The following WASF3 variants were observed in gnomAD, a reference collection of about 807,000 sequenced individuals.
The protein encoded by WASF3 is actin-binding protein WASF3.
In WASF3, 11 loss-of-function variants were observed where a neutral mutation model predicts 46.6. The observed-to-expected ratio is 0.24, with a 90% CI of 0.15 to 0.39. The LOEUF is 0.39. Among genes scored for constraint, WASF3 ranks in the 10% least tolerant of loss-of-function variants. WASF3 has a pLI of 1.00. For synonymous variants in WASF3, 242 were observed against 259.7 expected (o/e 0.93, Z 0.65); for missense variants, 576 against 669.8 (o/e 0.86, Z 1.55).
At chr13:26,680,121 G>A in intron 7 of WASF3, 1 of 1,598,278 alleles carries the variant, frequency 6.3e-7, no homozygotes, top group Non-Finnish European at 8.5e-7. Flanking sequence ...GGGAGAGAAG[G>A]AAAATGGGCA....
chr13:26,641,454 A>G (rs1401710897), intron 2 of WASF3: 3 of 152,288 alleles, frequency 2.0e-5, no homozygotes, highest in Admixed American at 6.5e-5. Flanking sequence ...CAGAAAGCCA[A>G]TCACTGAGAC....
intron 1 of WASF3, among the ~76,000 whole-genome samples, chr13:26,609,945 C>T (rs1880919512): frequency 6.6e-6 from 1 of 152,206 alleles, no homozygotes; most frequent in African/African-American, 2.4e-5. Context: ...CCACATGTTA[C>T]TATTTAAATG....
intron 1 of WASF3, among the ~76,000 whole-genome samples, chr13:26,568,922 T>C (rs1052824742): frequency 3.9e-5 from 6 of 152,248 alleles, no homozygotes; most frequent in Non-Finnish European, 7.3e-5. Flanking sequence ...ACCGGTCTGC[T>C]GTCTGGAGTT....
In WASF3 at chr13:26,567,707, A is replaced by AT. The variant is rs1203560335; in HGVS notation, c.-109+9888_-109+9889insT. Reference sequence around the variant, plus strand: ...AGCTAATAAACGACATTAAAAAAAAAATATATATATATATAATCTCCCTTC... The same window carrying AT: ...AGCTAATAAACGACATTAAAAAAAAATATATATATATATATAATCTCCCTTC... On this transcript the variant is annotated intron_variant, in intron 1 of 9. Transcript: ENST00000335327. Among the ~76,000 whole-genome samples the AT allele has an allele frequency of 8.9e-3, 1,349 of 150,894 alleles. 5 individuals are homozygous for AT. The highest frequency in any genetic ancestry group is 0.013 in the Non-Finnish European group (851 of 67,794).
chr13:26,558,727 T>A (rs1879186709), intron 1 of WASF3, among the ~76,000 whole-genome samples: 1 of 152,194 alleles, frequency 6.6e-6, no homozygotes, highest in African/African-American at 2.4e-5. Flanking sequence ...GGTTAATTTT[T>A]AAATTAGCGG....
chr13:26,577,606 C>A, intron 1 of WASF3: 2 of 1,132,958 alleles, frequency 1.8e-6, no homozygotes, highest in Middle Eastern at 2.7e-4. Context: ...CTGGAAAAGC[C>A]ACTGGGAGCA....
intron 1 of WASF3, among the ~76,000 whole-genome samples, chr13:26,561,002 G>A (rs1257375528): frequency 6.6e-6 from 1 of 152,164 alleles, no homozygotes; most frequent in Admixed American, 6.5e-5. Flanking sequence ...AGGAGAGGGT[G>A]TACAGAGAGA....
chr13:26,559,199 C>A (rs954942351), intron 1 of WASF3, among the ~76,000 whole-genome samples: 28 of 152,186 alleles, frequency 1.8e-4, no homozygotes, highest in African/African-American at 6.8e-4. Flanking sequence ...GTGTAGTACT[C>A]ATTTTTCTTC....
intron 2 of WASF3, among the ~76,000 whole-genome samples, chr13:26,625,306 AT>A (rs1263713415): frequency 6.6e-6 from 1 of 152,186 alleles, no homozygotes; most frequent in Non-Finnish European, 1.5e-5. Flanking sequence ...GGCTCACACA[AT>A]TATGGAGGCT....
the WASF3 span, among the ~76,000 whole-genome samples, chr13:26,543,903 G>A: frequency 6.6e-6 from 1 of 152,096 alleles, no homozygotes; most frequent in Admixed American, 6.6e-5. Flanking sequence ...AAACCTACAA[G>A]AACCGATTTC....
intron 3 of WASF3, among the ~76,000 whole-genome samples, chr13:26,652,750 A>G (rs1223771947): frequency 6.6e-6 from 1 of 152,238 alleles, no homozygotes; most frequent in Non-Finnish European, 1.5e-5. Context: ...AGAAAAACTC[A>G]AAAGGGAAGT....
At chr13:26,552,553 T>C in the WASF3 span, among the ~76,000 whole-genome samples, 1 of 152,236 alleles carries the variant, frequency 6.6e-6, no homozygotes, top group East Asian at 1.9e-4. Context: ...AGTATGTTTA[T>C]AAAGATTTAT....
At chr13:26,572,489 A>G (rs1266378888) in intron 1 of WASF3, among the ~76,000 whole-genome samples, 1 of 152,164 alleles carries the variant, frequency 6.6e-6, no homozygotes, top group Non-Finnish European at 1.5e-5. Flanking sequence ...AGGCAATTAT[A>G]TGACTTTCTT....
intron 1 of WASF3, among the ~76,000 whole-genome samples, chr13:26,589,098 ATTTC>A (rs1408858460): frequency 1.3e-5 from 2 of 152,076 alleles, no homozygotes; most frequent in Non-Finnish European, 2.9e-5. Context: ...CTGGCCCTGT[ATTTC>A]TTTATATTGC....
chr13:26,589,555 T>C (rs1880229077), intron 1 of WASF3, among the ~76,000 whole-genome samples: 1 of 152,210 alleles, frequency 6.6e-6, no homozygotes, highest in African/African-American at 2.4e-5. Context: ...TTGAGGAGTC[T>C]TGCTGTTTTG....
the WASF3 span, among the ~76,000 whole-genome samples, chr13:26,548,951 G>C: frequency 1.3e-5 from 2 of 151,056 alleles, no homozygotes; most frequent in Admixed American, 6.6e-5. Context: ...TTCTCCCCTA[G>C]ATCTCACTAC....
At chr13:26,616,127 ATATC>A (rs1283663129) in intron 2 of WASF3, among the ~76,000 whole-genome samples, 1 of 152,228 alleles carries the variant, frequency 6.6e-6, no homozygotes, top group African/African-American at 2.4e-5. Context: ...TTTTGGGTAA[ATATC>A]TAGGAGTAGA....
chr13:26,669,332 C>A (rs920281341), intron 5 of WASF3, among the ~76,000 whole-genome samples: 2 of 126,692 alleles, frequency 1.6e-5, no homozygotes, highest in Admixed American at 1.5e-4. Context: ...CTGCCTCAGC[C>A]TCCTGATATC....
chr13:26,561,538 C>G (rs567247417), intron 1 of WASF3, among the ~76,000 whole-genome samples: 1 of 152,238 alleles, frequency 6.6e-6, no homozygotes, highest in African/African-American at 2.4e-5. Context: ...TCCAGATAAT[C>G]AGGAGTTGTC....
Sources: allele counts gnomAD v4.1 joint callset (sites outside exome capture counted in the v4.1 genomes callset), GRCh38; gene constraint gnomAD v4.1.1; transcripts MANE v1.5; gene names NCBI Gene and HGNC (gene_info 2026-07-23, HGNC 2026-07-21).